The following EMCN variants were observed in gnomAD, a reference collection of about 807,000 sequenced individuals.
The protein encoded by EMCN is MUC-14.
Under a neutral mutation model 38.4 loss-of-function variants are expected in EMCN, and 37 were observed. The observed-to-expected ratio is 0.96, with a 90% confidence interval of 0.74 to 1.27. The LOEUF (loss-of-function observed/expected upper bound fraction) is 1.27. EMCN is among the 50% of genes most tolerant of loss of function. The probability of loss-of-function intolerance (pLI) is 0.00; values close to 1 mark genes in which losing one functional copy is unlikely to be tolerated. For synonymous variants in EMCN, 95 were observed against 100.8 expected (o/e 0.94, Z 0.35); for missense variants, 318 against 302.8 (o/e 1.05, Z -0.37).
intron 5 of EMCN, chr4:100,446,236 C>A: frequency 6.1e-6 from 6 of 983,644 alleles, no homozygotes; most frequent in Non-Finnish European, 7.2e-6. Flanking sequence ...CTAGTGCCTG[C>A]CAATTTTTAG....
chr4:100,435,075 A>C (rs754464844), intron 5 of EMCN, among the ~76,000 whole-genome samples: 4 of 152,198 alleles, frequency 2.6e-5, no homozygotes, highest in Non-Finnish European at 5.9e-5. Flanking sequence ...GAAAGAGAGG[A>C]AGTCATATTA....
rs187995425 is a variant in EMCN at position 100,479,986 on chromosome 4, T to C, written c.118A>G (p.Ile40Val). The change falls in exon 2 of 12, where the codon ATA becomes GTA. Residue 40 changes from isoleucine (I) to valine (V), a missense_variant. Physicochemically the swap from Ile to Val is conservative, Grantham distance 29 (BLOSUM62 3). Coordinates refer to ENST00000296420, the MANE Select transcript of EMCN (RefSeq NM_016242.4). ...SLVVTTTKPS[I>V]TTPNTESLQK... Reference sequence around the variant, plus strand: ...AATGATTCTGTGTTTGGTGTTGTTATAGATGGTTTTGTTGTAGTAACAACA... The same window carrying C: ...AATGATTCTGTGTTTGGTGTTGTTACAGATGGTTTTGTTGTAGTAACAACA... The C allele has an allele frequency of 4.5e-5, 72 of 1,605,738 alleles. No individual in the cohort carries two copies. In the African/African-American group the frequency reaches 8.0e-4, roughly 18 times the overall value.
Position 100,398,072 on chromosome 4 carries a change from A to G in EMCN, c.*341T>C, listed in dbSNP as rs1378865526. 6.6e-6 allele frequency: 1 copy of G among 151,926 alleles called. No homozygotes were observed. The allele number at this position is 151,926 out of a possible 1,614,324, so 9.4% of individuals were successfully genotyped here. A position where few individuals can be genotyped will look rare whatever the true frequency, so the allele number is the denominator to read the frequency against. On this transcript the variant is annotated 3_prime_UTR_variant, in exon 12 of 12. Transcript: ENST00000296420. ...GCCCGGAAAACTTTAAACATTAAGG[A>G]AAGTCATGCCTATCAGCGAGCCCAC...
At chr4:100,429,312 C>G (rs570866112) in intron 5 of EMCN, among the ~76,000 whole-genome samples, 22 of 152,180 alleles carry the variant, frequency 1.4e-4, no homozygotes, top group African/African-American at 4.8e-4. Context: ...TGATGCAATT[C>G]TGTGTTTTGG....
rs1189074994 is a variant in EMCN, at chr4:100,423,814, G to A, written c.416-410C>T. Reference sequence around the variant, plus strand: ...TAGTTAAAATGATCATAACTGCACAGGACGTCAGATTTTATGTATTTATCA... The same window carrying A: ...TAGTTAAAATGATCATAACTGCACAAGACGTCAGATTTTATGTATTTATCA... On this transcript the variant is annotated intron_variant, in intron 5 of 11. Coordinates refer to ENST00000296420, the MANE Select transcript of EMCN (RefSeq NM_016242.4). Among the ~76,000 whole-genome samples, 4 of 151,902 alleles carry A rather than the reference G, an allele frequency of 2.6e-5. 1 individual carries two copies. Among genetic ancestry groups the A allele is most frequent in the South Asian group, 2.1e-4 (1 of 4,820 alleles).
chr4:100,452,138 G>A (rs952808800), intron 4 of EMCN, among the ~76,000 whole-genome samples: 4 of 151,762 alleles, frequency 2.6e-5, no homozygotes, highest in African/African-American at 9.7e-5. Context: ...AAAAGACCTG[G>A]GTGTTGGTCA....
intron 5 of EMCN, among the ~76,000 whole-genome samples, chr4:100,443,626 C>G (rs1727584906): frequency 6.6e-6 from 1 of 152,218 alleles, no homozygotes; most frequent in Non-Finnish European, 1.5e-5. Flanking sequence ...CATAGGTGAT[C>G]AGAGTAGCTG....
intron 2 of EMCN, among the ~76,000 whole-genome samples, chr4:100,477,669 C>G (rs1164254363): frequency 1.3e-5 from 2 of 152,128 alleles, no homozygotes; most frequent in Non-Finnish European, 2.9e-5. Flanking sequence ...GATTAGGAAG[C>G]CTTAAAATGA....
chr4:100,460,552 A>G (rs1728151185), intron 4 of EMCN, among the ~76,000 whole-genome samples: 1 of 152,166 alleles, frequency 6.6e-6, no homozygotes, highest in Non-Finnish European at 1.5e-5. Flanking sequence ...GAGCTTGTGC[A>G]AGGTAACTGC....
At chr4:100,440,232 AT>A (rs1328293857) in intron 5 of EMCN, among the ~76,000 whole-genome samples, 2 of 151,802 alleles carry the variant, frequency 1.3e-5, no homozygotes, top group African/African-American at 4.8e-5. Context: ...TTTTTTATTA[AT>A]TTTGTGTTCT....
chr4:100,473,380 T>TTG (rs1553930785), intron 3 of EMCN, among the ~76,000 whole-genome samples: 5 of 127,674 alleles, frequency 3.9e-5, no homozygotes, highest in African/African-American at 6.1e-5. Flanking sequence ...TTTGTTTTTT[T>TTG]TTTTTGTTTT....
chr4:100,439,641 T>C (rs1727455457), intron 5 of EMCN, among the ~76,000 whole-genome samples: 1 of 151,700 alleles, frequency 6.6e-6, no homozygotes, highest in African/African-American at 2.4e-5. Context: ...TATGTTTTTA[T>C]TTTTATTATT....
rs75251722 is a variant in EMCN at position 100,480,647 on chromosome 4, A to G, written c.65-608T>C. On this transcript the variant is annotated intron_variant, in intron 1 of 11. Coordinates refer to ENST00000296420, the MANE Select transcript of EMCN (RefSeq NM_016242.4). ...CAATAATCTTTAATGAAATTCAACAACTGCAACATACTTAAAAGTAATAGG... is the reference window on the plus strand; with the variant it reads ...CAATAATCTTTAATGAAATTCAACAGCTGCAACATACTTAAAAGTAATAGG... 6.8e-3 allele frequency among the ~76,000 whole-genome samples: 1,028 copies of G among 151,968 alleles called. 14 individuals carry two copies. Among genetic ancestry groups the G allele is most frequent in the African/African-American group, 0.021 (892 of 41,506 alleles).
chr4:100,408,788 C>T (rs7440475), intron 11 of EMCN, among the ~76,000 whole-genome samples: 3,926 of 152,252 alleles, frequency 0.026, 70 homozygotes, highest in Non-Finnish European at 0.041. Context: ...CACTCAGAGC[C>T]ACTGCCAATT....
intron 5 of EMCN, among the ~76,000 whole-genome samples, chr4:100,436,251 A>G (rs1727349313): frequency 6.6e-6 from 1 of 152,220 alleles, no homozygotes; most frequent in African/African-American, 2.4e-5. Flanking sequence ...TGCAGTCAAC[A>G]AACATGAAAA....
intron 5 of EMCN, among the ~76,000 whole-genome samples, chr4:100,435,176 G>T (rs1473859878): frequency 6.6e-6 from 1 of 152,132 alleles, no homozygotes; most frequent in Admixed American, 6.5e-5. Context: ...CTTCAGCAAA[G>T]CCTGGGGATA....
At chr4:100,429,592 A>G (rs1006752403) in intron 5 of EMCN, among the ~76,000 whole-genome samples, 1 of 152,194 alleles carries the variant, frequency 6.6e-6, no homozygotes, top group African/African-American at 2.4e-5. Context: ...TGGGCCGTCA[A>G]TGTTAGTAAC....
chr4:100,472,939 T>C (rs1430654744), intron 3 of EMCN, among the ~76,000 whole-genome samples: 2 of 149,152 alleles, frequency 1.3e-5, no homozygotes, highest in Non-Finnish European at 3.0e-5. Context: ...TAGATAGATA[T>C]CCCTATCATA....
At chr4:100,434,383 C>A (rs1410379407) in intron 5 of EMCN, among the ~76,000 whole-genome samples, 248 of 70,524 alleles carry the variant, frequency 3.5e-3, no homozygotes, top group African/African-American at 5.7e-3. Flanking sequence ...GCCTACCAAG[C>A]AAAAAAAAAA....
Sources: allele counts gnomAD v4.1 joint callset (sites outside exome capture counted in the v4.1 genomes callset), GRCh38; gene constraint gnomAD v4.1.1; transcripts MANE v1.5; gene names NCBI Gene and HGNC (gene_info 2026-07-23, HGNC 2026-07-21).